CFAP299: variants seen among roughly 807,000 people sequenced by gnomAD.
CFAP299 encodes the protein cilia and flagella associated protein 299, also known as cilia- and flagella-associated protein 299.
In CFAP299, 21 loss-of-function variants were observed where a neutral mutation model predicts 27.0. That is an observed-to-expected ratio of 0.78 (90% confidence interval 0.55 to 1.12). The LOEUF is 1.12. Among genes scored for constraint, CFAP299 ranks in the 50% most tolerant of loss-of-function variants. CFAP299 has a pLI of 0.00. For missense variants in CFAP299, 310 were observed against 276.6 expected, an observed-to-expected ratio of 1.12 and a Z score of -0.86; for synonymous variants, 104 against 98.1, an observed-to-expected ratio of 1.06 and a Z score of -0.36.
At chr4:80,786,881 C>G (rs550979141) in intron 3 of CFAP299, among the ~76,000 whole-genome samples, 1 of 152,130 alleles carries the variant, frequency 6.6e-6, no homozygotes, top group African/African-American at 2.4e-5. Flanking sequence ...CTCAGATTCT[C>G]CAGTAATTAA....
At chr4:80,329,724 T>G in the CFAP299 span, among the ~76,000 whole-genome samples, 1 of 152,144 alleles carries the variant, frequency 6.6e-6, no homozygotes, top group African/African-American at 2.4e-5. Flanking sequence ...TAGTTGTGAC[T>G]GGAGTTGTAT....
At chr4:80,859,574 CTT>C (rs1732174417) in intron 3 of CFAP299, among the ~76,000 whole-genome samples, 1 of 152,034 alleles carries the variant, frequency 6.6e-6, no homozygotes, top group African/African-American at 2.4e-5. Context: ...ATGTTTAGCA[CTT>C]CCTTCAGGAA....
At chr4:80,912,940 G>A (rs1387521164) in intron 4 of CFAP299, among the ~76,000 whole-genome samples, 1 of 152,084 alleles carries the variant, frequency 6.6e-6, no homozygotes, top group Non-Finnish European at 1.5e-5. Flanking sequence ...CTAAAGAGAA[G>A]AAAGAGGGAC....
chr4:80,945,731 T>C (rs991433085), intron 5 of CFAP299, among the ~76,000 whole-genome samples: 1 of 152,152 alleles, frequency 6.6e-6, no homozygotes, highest in African/African-American at 2.4e-5. Flanking sequence ...ACACATGGAA[T>C]ATGGACAAGG....
intron 2 of CFAP299, among the ~76,000 whole-genome samples, chr4:80,579,354 G>A (rs528712149): frequency 6.6e-6 from 1 of 152,320 alleles, no homozygotes; most frequent in South Asian, 2.1e-4. Context: ...ATAACTAGCT[G>A]CAAAGAGACT....
intron 3 of CFAP299, among the ~76,000 whole-genome samples, chr4:80,600,320 T>C (rs1251126586): frequency 6.6e-6 from 1 of 152,134 alleles, no homozygotes; most frequent in Non-Finnish European, 1.5e-5. Context: ...ACTCCCCTTT[T>C]ACCCTTTTGC....
At chr4:80,713,325 A>G (rs1722284959) in intron 3 of CFAP299, among the ~76,000 whole-genome samples, 1 of 152,330 alleles carries the variant, frequency 6.6e-6, no homozygotes, top group South Asian at 2.1e-4. Context: ...AGAGAATTGC[A>G]CATCCAGCTG....
At chr4:80,559,348 G>T (rs1045111401) in intron 2 of CFAP299, among the ~76,000 whole-genome samples, 16 of 147,726 alleles carry the variant, frequency 1.1e-4, no homozygotes, top group Non-Finnish European at 7.4e-5. Context: ...GAAAGGGGAA[G>T]TAGATTGTAC....
chr4:80,638,383 T>C (rs1739561934), intron 3 of CFAP299, among the ~76,000 whole-genome samples: 1 of 152,230 alleles, frequency 6.6e-6, no homozygotes, highest in South Asian at 2.1e-4. Context: ...ATATAAGCTG[T>C]GAAGCCTATT....
At chr4:80,824,840 A>T (rs1729897950) in intron 3 of CFAP299, among the ~76,000 whole-genome samples, 1 of 152,108 alleles carries the variant, frequency 6.6e-6, no homozygotes. Flanking sequence ...ATTAGTTTCA[A>T]ATATCCAGTT....
chr4:80,962,179 A>G (rs1338668854), intron 5 of CFAP299, among the ~76,000 whole-genome samples: 1 of 152,000 alleles, frequency 6.6e-6, no homozygotes, highest in Non-Finnish European at 1.5e-5. Context: ...CAAAATATTT[A>G]CAAGATAATT....
intron 2 of CFAP299, among the ~76,000 whole-genome samples, chr4:80,376,954 T>A (rs1300920737): frequency 6.6e-6 from 1 of 152,184 alleles, no homozygotes. Context: ...TCCATGCATA[T>A]CTCTTCTTTG....
chr4:80,515,504 C>T (rs2110168460), intron 2 of CFAP299, among the ~76,000 whole-genome samples: 1 of 152,218 alleles, frequency 6.6e-6, no homozygotes, highest in African/African-American at 2.4e-5. Context: ...GAAATGTTTG[C>T]ATATTTCTAT....
chr4:80,925,170 C>A (rs1278810995), intron 4 of CFAP299, among the ~76,000 whole-genome samples: 1 of 151,902 alleles, frequency 6.6e-6, no homozygotes, highest in Non-Finnish European at 1.5e-5. Flanking sequence ...CCTACCTATT[C>A]TCCCTTTCAT....
At chr4:80,913,372 G>A (rs1471552673) in intron 4 of CFAP299, among the ~76,000 whole-genome samples, 3 of 152,130 alleles carry the variant, frequency 2.0e-5, no homozygotes, top group South Asian at 2.1e-4. Context: ...ATGCATTTTC[G>A]GTTCCAACTT....
At chr4:80,358,985 C>T (rs927473999) in intron 1 of CFAP299, among the ~76,000 whole-genome samples, 3 of 152,056 alleles carry the variant, frequency 2.0e-5, no homozygotes, top group Non-Finnish European at 4.4e-5. Context: ...TTTATTGCTT[C>T]CTTTAGGAGC....
At chr4:80,796,217 A>G (rs1026577809) in intron 3 of CFAP299, among the ~76,000 whole-genome samples, 1 of 152,112 alleles carries the variant, frequency 6.6e-6, no homozygotes, top group Non-Finnish European at 1.5e-5. Flanking sequence ...TTTATTCTTC[A>G]CCTTAGAAGG....
chr4:80,692,992 A>G (rs1263735241), intron 3 of CFAP299, among the ~76,000 whole-genome samples: 4 of 152,262 alleles, frequency 2.6e-5, no homozygotes, highest in Non-Finnish European at 5.9e-5. Context: ...CAAATCCACA[A>G]TGAGATACCA....
chr4:80,937,308 C>CTTTTT (rs1736948672), intron 4 of CFAP299, among the ~76,000 whole-genome samples: 4 of 90,816 alleles, frequency 4.4e-5, no homozygotes, highest in Admixed American at 2.2e-4. Flanking sequence ...CTTTTTTTTT[C>CTTTTT]TTTCTTTTTT....
Sources: gnomAD v4.1 joint callset for allele counts (sites outside exome capture counted in the v4.1 genomes callset) on GRCh38, gnomAD v4.1.1 for gene constraint, MANE v1.5 for transcripts, NCBI Gene and HGNC (gene_info 2026-07-23, HGNC 2026-07-21) for gene names.